The following LCOR variants were observed in gnomAD, a reference collection of about 807,000 sequenced individuals.
The protein encoded by LCOR is ligand-dependent corepressor.
Under a neutral mutation model 64.4 loss-of-function variants are expected in LCOR, and 14 were observed. That is an observed-to-expected ratio of 0.22 (90% CI 0.14 to 0.34). LCOR has a LOEUF of 0.34. LCOR is among the 10% of genes least tolerant of loss of function. The pLI, the probability that LCOR is intolerant of heterozygous loss-of-function variation, is 1.00. For missense variants in LCOR, 1,686 were observed against 1,765.3 expected, an observed-to-expected ratio of 0.96 and a Z score of 0.80; for synonymous variants, 643 against 642.5, an observed-to-expected ratio of 1.00 and a Z score of -0.01.
At chr10:96,906,960 T>TGA (rs1846739978) in intron 2 of LCOR, among the ~76,000 whole-genome samples, 1 of 152,208 alleles carries the variant, frequency 6.6e-6, no homozygotes, top group Non-Finnish European at 1.5e-5. Flanking sequence ...AAATGGAGCC[T>TGA]GAGAGTTTGT....
chr10:96,906,469 T>C (rs1202084596), intron 2 of LCOR, among the ~76,000 whole-genome samples: 1 of 152,224 alleles, frequency 6.6e-6, no homozygotes, highest in Non-Finnish European at 1.5e-5. Flanking sequence ...TTTTCCTCCT[T>C]ACTCTCTTGA....
intron 2 of LCOR, among the ~76,000 whole-genome samples, chr10:96,879,728 G>A (rs1054058662): frequency 5.9e-5 from 9 of 152,026 alleles, no homozygotes; most frequent in African/African-American, 1.9e-4. Flanking sequence ...AGTGCGCGAC[G>A]TTGGCGCACT....
At chr10:96,960,410 A>G (rs1847861320) in intron 7 of LCOR, 1 of 152,260 alleles carries the variant, frequency 6.6e-6, no homozygotes, top group East Asian at 1.9e-4. Context: ...AACAGCTTTT[A>G]TCTTTGTAGA....
At chr10:96,933,265 C>T (rs1040778939) in intron 4 of LCOR, among the ~76,000 whole-genome samples, 1 of 151,964 alleles carries the variant, frequency 6.6e-6, no homozygotes, top group Admixed American at 6.6e-5. Flanking sequence ...GCTTTGTGTA[C>T]AAGGTAGCTT....
intron 2 of LCOR, among the ~76,000 whole-genome samples, chr10:96,870,307 G>A (rs996540401): frequency 4.6e-5 from 7 of 152,072 alleles, no homozygotes; most frequent in Admixed American, 2.0e-4. Context: ...CACCGCACCC[G>A]GCCCTAAACC....
At chr10:96,975,295 G>A (rs1020685085) in intron 7 of LCOR, among the ~76,000 whole-genome samples, 2 of 152,198 alleles carry the variant, frequency 1.3e-5, no homozygotes, top group African/African-American at 4.8e-5. Context: ...AAAGTTAGCT[G>A]TTATAACAGG....
At chr10:96,967,160 G>A (rs1378809409) in intron 7 of LCOR, among the ~76,000 whole-genome samples, 1 of 152,112 alleles carries the variant, frequency 6.6e-6, no homozygotes, top group Admixed American at 6.6e-5. Context: ...AATAGAATCT[G>A]TCCCTGTCTC....
At chr10:96,874,148 TTAGA>T (rs1251990537) in intron 2 of LCOR, among the ~76,000 whole-genome samples, 10 of 152,250 alleles carry the variant, frequency 6.6e-5, no homozygotes, top group Non-Finnish European at 1.5e-4. Flanking sequence ...TAAAACTCTA[TTAGA>T]TATTTTGTAG....
intron 7 of LCOR, chr10:96,959,964 A>G (rs1847853476): frequency 6.6e-6 from 1 of 152,200 alleles, no homozygotes; most frequent in Admixed American, 6.5e-5. Flanking sequence ...ATCTTATATA[A>G]ACCATTACCT....
intron 2 of LCOR, among the ~76,000 whole-genome samples, chr10:96,864,918 C>T (rs1454425711): frequency 1.3e-5 from 2 of 152,102 alleles, no homozygotes; most frequent in African/African-American, 2.4e-5. Context: ...TTTCTCAGAC[C>T]ATATCCTTGT....
At chr10:96,845,450 T>A (rs1221157298) in intron 2 of LCOR, among the ~76,000 whole-genome samples, 2 of 26,034 alleles carry the variant, frequency 7.7e-5, no homozygotes, top group Admixed American at 3.4e-4. Context: ...GGGCTTATCC[T>A]TTTTTTTTTT....
At chr10:96,909,624 A>T (rs1287113231) in intron 4 of LCOR, among the ~76,000 whole-genome samples, 2 of 152,224 alleles carry the variant, frequency 1.3e-5, no homozygotes, top group African/African-American at 4.8e-5. Flanking sequence ...CTGTGTTGGC[A>T]AGTTGCTTTA....
In LCOR at chr10:96,984,011, G is replaced by A. The variant is rs750854444; in HGVS notation, c.3551G>A (p.Cys1184Tyr). The A allele has an allele frequency of 1.2e-6, 2 of 1,614,200 alleles. No individual in the cohort carries two copies. The highest frequency in any genetic ancestry group is 2.2e-5 in the South Asian group (2 of 91,078). The change falls in exon 8 of 8, where the codon TGT (cysteine) becomes TAT (tyrosine). Residue 1184 changes from cysteine to tyrosine, a missense_variant. Transcript: ENST00000421806. ...ACAAACTTTAAATTATCTAATGTTT[G>A]TAAATGGTTCTTAGAGACAACTGAA... Reference protein sequence around the residue: ...FMTNFKLSNVCKWFLETTETR... With the variant: ...FMTNFKLSNVYKWFLETTETR...
At chr10:96,847,847 C>T (rs147294910) in intron 2 of LCOR, among the ~76,000 whole-genome samples, 129 of 152,216 alleles carry the variant, frequency 8.5e-4, no homozygotes, top group African/African-American at 2.8e-3. Flanking sequence ...CTGTAGTTAA[C>T]GTAAAAAGAA....
intron 7 of LCOR, among the ~76,000 whole-genome samples, chr10:96,970,699 G>A (rs759277261): frequency 3.4e-5 from 5 of 147,562 alleles, no homozygotes; most frequent in East Asian, 2.0e-4. Context: ...TCACTCTGTC[G>A]CCCAGGCTGG....
chr10:96,846,284 T>A (rs1174819679), intron 2 of LCOR, among the ~76,000 whole-genome samples: 1 of 152,140 alleles, frequency 6.6e-6, no homozygotes, highest in East Asian at 1.9e-4. Context: ...AGACAGGGTC[T>A]TGCTCTGTCA....
chr10:96,955,748 G>C (rs2134534343), intron 7 of LCOR: 3 of 1,614,212 alleles, frequency 1.9e-6, no homozygotes, highest in South Asian at 2.2e-5. Flanking sequence ...GTATTTATGG[G>C]ATTCCCCACA....
chr10:96,863,964 G>C (rs1201235650), intron 2 of LCOR, among the ~76,000 whole-genome samples: 1 of 152,104 alleles, frequency 6.6e-6, no homozygotes, highest in Non-Finnish European at 1.5e-5. Context: ...TTCTGAGCTT[G>C]TTGGTAGGAA....
chr10:96,900,816 C>T (rs2134445421), intron 2 of LCOR, among the ~76,000 whole-genome samples: 1 of 151,726 alleles, frequency 6.6e-6, no homozygotes, highest in East Asian at 1.9e-4. Flanking sequence ...TCATAAGCAA[C>T]ACATTGTCTT....
Sources: gnomAD v4.1 joint callset for allele counts (sites outside exome capture counted in the v4.1 genomes callset) on GRCh38, gnomAD v4.1.1 for gene constraint, MANE v1.5 for transcripts, NCBI Gene and HGNC (gene_info 2026-07-23, HGNC 2026-07-21) for gene names.